Variants in ARID1B observed in about 807,000 individuals in gnomAD.
ARID1B encodes AT-rich interactive domain-containing protein 1B.
In ARID1B, 30 loss-of-function variants were observed where a neutral mutation model predicts 212.3. The observed-to-expected ratio is 0.14, with a 90% CI of 0.11 to 0.19. The LOEUF is 0.19. ARID1B is among the 10% of genes least tolerant of loss of function. The pLI is 1.00. For synonymous variants in ARID1B, 1,402 were observed against 1,301.7 expected, an observed-to-expected ratio of 1.08 and a Z score of -1.66; for missense variants, 2,891 against 3,204.0, an observed-to-expected ratio of 0.90 and a Z score of 2.36.
chr6:157,204,156 T>C, intron 19 of ARID1B, 160 bp downstream of exon 19: 1 of 895,968 alleles, frequency 1.1e-6, no homozygotes, highest in East Asian at 2.5e-5. Flanking sequence ...TGTAGAGTTA[T>C]CTGGGATAAT....
rs1003101638 is a variant in ARID1B at position 157,148,094 on chromosome 6, T to G, written c.2762-530T>G. On this transcript the variant is annotated intron_variant, in intron 7 of 19. Transcript: ENST00000636930. This position sits in a 1 kb window ranked among gnomAD's most constrained non-coding sequence, Gnocchi z 5.6. ...TATTATTCCCAACTTAGAGGAAAAC[T>G]GGGGCTCATGTCAGGTTCCCGCGTG... is the stretch of plus-strand genomic sequence containing the variant. Among the ~76,000 whole-genome samples, 1 of 151,846 alleles carries G rather than the reference T, an allele frequency of 6.6e-6. No individual in the cohort carries two copies. The highest frequency in any genetic ancestry group is 6.6e-5 in the Admixed American group (1 of 15,262).
At chr6:157,054,794 C>T (rs1236458910) in intron 4 of ARID1B, among the ~76,000 whole-genome samples, 1 of 152,206 alleles carries the variant, frequency 6.6e-6, no homozygotes, top group African/African-American at 2.4e-5. Flanking sequence ...AATCATTATA[C>T]ATTTTATTTT....
chr6:156,803,948 C>G (rs1445036424), intron 1 of ARID1B, among the ~76,000 whole-genome samples: 1 of 151,964 alleles, frequency 6.6e-6, no homozygotes, highest in Non-Finnish European at 1.5e-5. Flanking sequence ...AGCTTTACAT[C>G]CAATGTGAAA....
rs547932787 is a variant in ARID1B, at chr6:156,861,543, G to A, written c.1986+32122G>A. Among the ~76,000 whole-genome samples, 410 of 152,188 alleles carry A rather than the reference G, an allele frequency of 2.7e-3. 1 individual carries two copies. Among genetic ancestry groups the A allele is most frequent in the Non-Finnish European group, 4.3e-3 (292 of 67,994 alleles). ...GGAGGATTGCCTGAACCCTGGAGGC[G>A]GAGGTTGCAGTGAGCTGTGATTGTA... On this transcript the variant is annotated intron_variant, in intron 2 of 19. Coordinates refer to ENST00000636930, the MANE Select transcript of ARID1B (RefSeq NM_001374828.1).
At chr6:156,783,534 G>T (rs535645561) in intron 1 of ARID1B, among the ~76,000 whole-genome samples, 3 of 152,212 alleles carry the variant, frequency 2.0e-5, no homozygotes, top group African/African-American at 7.2e-5. Context: ...TCTGGGCAGG[G>T]TGTATCTATC....
At position 157,196,169 on chromosome 6, in the gene ARID1B, T is replaced by A; in HGVS notation, c.4236T>A (p.Pro1412=). The A allele has an allele frequency of 6.2e-7, 1 of 1,612,416 alleles. No individual in the cohort carries two copies. The highest frequency in any genetic ancestry group is 8.5e-7 in the Non-Finnish European group (1 of 1,179,658). ...KDPFGGMRKV[P]GSSEPFMTQG... ...ATTTTATTTAAAATATTGCAGTGCC[T>A]GGAAGCAGCGAGCCCTTTATGACGC... The change falls in exon 16 of 20, where the codon CCT becomes CCA. Residue 1412 remains proline, a synonymous_variant. Coordinates refer to ENST00000636930, the MANE Select transcript of ARID1B (RefSeq NM_001374828.1).
chr6:157,189,669 A>C lies in ARID1B; in HGVS notation c.3947A>C (p.Gln1316Pro). 6.2e-7 allele frequency: 1 copy of C among 1,613,338 alleles called. No individual in the cohort carries two copies. The highest frequency in any genetic ancestry group is 1.1e-5 in the South Asian group (1 of 90,912). Reference protein sequence around the residue: ...PANSGSLQGPQTPQSTGSNSM... With the variant: ...PANSGSLQGPPTPQSTGSNSM... Reference sequence around the variant, plus strand: ...AACTCGGGATCCTTGCAAGGCCCACAGACCCCCCAGTCAACTGGCAGCAAT... The same window carrying C: ...AACTCGGGATCCTTGCAAGGCCCACCGACCCCCCAGTCAACTGGCAGCAAT... Residue 1316 changes from glutamine to proline, a missense_variant, in exon 14 of 20, where the codon CAG (glutamine) becomes CCG (proline). By Grantham distance (76) the Gln-to-Pro change is moderately conservative (BLOSUM62 -1). This residue lies in a region of ARID1B where 666 missense variants were observed against 873.5 expected (regional missense o/e 0.76). Transcript: ENST00000636930.
intron 2 of ARID1B, among the ~76,000 whole-genome samples, chr6:156,852,617 A>T (rs1784654894): frequency 6.6e-6 from 1 of 152,182 alleles, no homozygotes; most frequent in African/African-American, 2.4e-5. Flanking sequence ...AAAACTAACC[A>T]CAAGGAAGCA....
chr6:157,068,643 T>C (rs900762194), intron 4 of ARID1B, among the ~76,000 whole-genome samples: 2 of 152,266 alleles, frequency 1.3e-5, no homozygotes, highest in African/African-American at 4.8e-5. Context: ...CTTTTATCAC[T>C]TACAAAGTTA....
At chr6:157,020,636 C>T (rs1780176706) in intron 4 of ARID1B, among the ~76,000 whole-genome samples, 1 of 152,086 alleles carries the variant, frequency 6.6e-6, no homozygotes, top group African/African-American at 2.4e-5. Context: ...TTCTCCTACT[C>T]AGATCGCGAG....
chr6:157,147,070 A>C (rs998575763), intron 7 of ARID1B, among the ~76,000 whole-genome samples: 1 of 152,110 alleles, frequency 6.6e-6, no homozygotes, highest in African/African-American at 2.4e-5. Context: ...CCAAGTGCCC[A>C]GCACACACTG....
intron 8 of ARID1B, among the ~76,000 whole-genome samples, chr6:157,158,919 G>A (rs999638275): frequency 7.9e-5 from 12 of 152,208 alleles, no homozygotes; most frequent in Non-Finnish European, 1.5e-4. Context: ...ATCCATGGCA[G>A]CTAATGTTTC....
At chr6:157,069,110 GTTAT>G (rs1336993130) in intron 4 of ARID1B, among the ~76,000 whole-genome samples, 2 of 151,790 alleles carry the variant, frequency 1.3e-5, no homozygotes, top group Non-Finnish European at 2.9e-5. Flanking sequence ...AACTACTGTG[GTTAT>G]TTTTTTTTCT....
At chr6:156,781,414 C>T (rs2115044598) in intron 1 of ARID1B, among the ~76,000 whole-genome samples, 1 of 151,966 alleles carries the variant, frequency 6.6e-6, no homozygotes, top group East Asian at 1.9e-4. Flanking sequence ...ATTTTTCTTT[C>T]ATGTTAATGC....
At chr6:156,924,960 T>C (rs1002189301) in intron 3 of ARID1B, among the ~76,000 whole-genome samples, 8 of 152,238 alleles carry the variant, frequency 5.3e-5, no homozygotes, top group African/African-American at 1.9e-4. Context: ...AAATTAATTT[T>C]AGGCAACCAT....
At chr6:156,996,270 C>CT (rs1320080576) in intron 4 of ARID1B, among the ~76,000 whole-genome samples, 12 of 152,166 alleles carry the variant, frequency 7.9e-5, no homozygotes, top group Non-Finnish European at 4.4e-5. Flanking sequence ...AGCTCTAACT[C>CT]AAGTAAGGAT....
intron 4 of ARID1B, among the ~76,000 whole-genome samples, chr6:157,058,798 T>C (rs1783139338): frequency 6.6e-6 from 1 of 152,124 alleles, no homozygotes; most frequent in Non-Finnish European, 1.5e-5. Flanking sequence ...GAGATGGGGC[T>C]GGGTAGCACC....
In ARID1B at chr6:156,839,958, C is replaced by T. The variant is rs142684380; in HGVS notation, c.1986+10537C>T. ...TGCACGCAGGCTGCAAGAGAGGCTG[C>T]GAATTTGAGTTCGGATTTCTAAATT... On this transcript the variant is annotated intron_variant, in intron 2 of 19. Transcript: ENST00000636930. 3.9e-3 allele frequency among the ~76,000 whole-genome samples: 595 copies of T among 152,304 alleles called. 2 individuals are homozygous for T. The highest frequency in any genetic ancestry group is 0.013 in the African/African-American group (537 of 41,576).
intron 2 of ARID1B, among the ~76,000 whole-genome samples, chr6:156,848,352 C>A (rs1467391798): frequency 6.6e-6 from 1 of 152,202 alleles, no homozygotes; most frequent in East Asian, 1.9e-4. Flanking sequence ...AAAGTCAAGT[C>A]TGTAGCCTTA....
Sources: gnomAD v4.1 joint callset for allele counts (sites outside exome capture counted in the v4.1 genomes callset) on GRCh38, gnomAD v4.1.1 for gene constraint, gnomAD v4.1.1 regional missense constraint, Gnocchi (gnomAD v3.1) non-coding constraint, MANE v1.5 for transcripts, NCBI Gene and HGNC (gene_info 2026-07-23, HGNC 2026-07-21) for gene names.